The following SMYD3 variants were observed in gnomAD, a reference collection of about 807,000 sequenced individuals.
SMYD3 encodes SET and MYND domain containing 3.
In SMYD3, 36 loss-of-function variants were observed where a neutral mutation model predicts 57.7. The observed-to-expected ratio is 0.62, with a 90% CI of 0.48 to 0.82. The LOEUF (loss-of-function observed/expected upper bound fraction) is 0.82. Ranked by LOEUF, SMYD3 falls within the 40% of genes least tolerant of loss-of-function variation. SMYD3 has a pLI of 0.00. For synonymous variants in SMYD3, 211 were observed against 195.0 expected (o/e 1.08, Z -0.68); for missense variants, 515 against 538.8 (o/e 0.96, Z 0.44).
intron 5 of SMYD3, among the ~76,000 whole-genome samples, chr1:246,249,347 G>A (rs1479514079): frequency 6.6e-5 from 10 of 151,472 alleles, no homozygotes; most frequent in African/African-American, 1.2e-4. Flanking sequence ...TAAGTGATCC[G>A]CCCACCTCAG....
chr1:246,391,377 T>C (rs2066563198), intron 1 of SMYD3, among the ~76,000 whole-genome samples: 2 of 117,374 alleles, frequency 1.7e-5, no homozygotes, highest in South Asian at 6.5e-4. Context: ...GAGACCTTAT[T>C]GAGAGAGAGA....
intron 5 of SMYD3, among the ~76,000 whole-genome samples, chr1:246,081,325 T>C (rs1399210358): frequency 1.3e-5 from 2 of 152,234 alleles, no homozygotes; most frequent in East Asian, 1.9e-4. Context: ...TGTGCTTGTG[T>C]TTACAAACTG....
At chr1:246,391,887 C>T (rs542305266) in intron 1 of SMYD3, among the ~76,000 whole-genome samples, 20 of 152,262 alleles carry the variant, frequency 1.3e-4, no homozygotes, top group South Asian at 4.1e-4. Flanking sequence ...CATCTTACCC[C>T]GAACATTCAA....
chr1:246,011,048 G>A (rs1235018867), intron 5 of SMYD3, among the ~76,000 whole-genome samples: 1 of 152,164 alleles, frequency 6.6e-6, no homozygotes, highest in East Asian at 1.9e-4. Context: ...GCACCACATT[G>A]GGACTAGAAA....
At chr1:246,341,994 T>A (rs1395582095) in intron 2 of SMYD3, among the ~76,000 whole-genome samples, 1 of 152,218 alleles carries the variant, frequency 6.6e-6, no homozygotes, top group Admixed American at 6.5e-5. Flanking sequence ...AGTCTTCCAA[T>A]GATAAAATTC....
intron 5 of SMYD3, among the ~76,000 whole-genome samples, chr1:246,037,714 C>G (rs1382107023): frequency 6.6e-6 from 1 of 152,212 alleles, no homozygotes; most frequent in Non-Finnish European, 1.5e-5. Flanking sequence ...CCTGCCCTCA[C>G]CTCTGTAAGT....
chr1:246,047,210 G>A lies in SMYD3; in HGVS notation c.532-117273C>T, dbSNP rs780834841. Among the ~76,000 whole-genome samples, 10 of 152,270 alleles carry A rather than the reference G, an allele frequency of 6.6e-5. 1 individual carries two copies. Among genetic ancestry groups the A allele is most frequent in the Middle Eastern group, 3.4e-3 (1 of 294 alleles). On this transcript the variant is annotated intron_variant, in intron 5 of 11. Coordinates refer to ENST00000490107, the MANE Select transcript of SMYD3 (RefSeq NM_001167740.2). ...GAACAGTAAAGAAAAGTGTGCAAAA[G>A]AATAGTGGGAGTGGAATTGTCTTGC...
In SMYD3 at chr1:245,753,833, G is replaced by A. The variant is rs192618351; in HGVS notation, c.1186-4169C>T. On this transcript the variant is annotated intron_variant, in intron 11 of 11. Coordinates refer to ENST00000490107, the MANE Select transcript of SMYD3 (RefSeq NM_001167740.2). ...TACCACTCCCATCTGTCACCCATGC[G>A]CATGTCAGAGAGGACAATTCTGGTT... 1.1e-4 allele frequency among the ~76,000 whole-genome samples: 16 copies of A among 152,332 alleles called. No individual in the cohort carries two copies. In the East Asian group the frequency reaches 2.7e-3, roughly 26 times the overall value.
chr1:246,314,553 T>C (rs1027021577), intron 5 of SMYD3, among the ~76,000 whole-genome samples: 1 of 152,168 alleles, frequency 6.6e-6, no homozygotes, highest in Admixed American at 6.5e-5. Context: ...ACTAGGAAAC[T>C]TGTGATCAAT....
chr1:245,814,452 CAAT>C (rs1439273328), intron 10 of SMYD3: 1 of 880,458 alleles, frequency 1.1e-6, no homozygotes, highest in African/African-American at 1.8e-5. Context: ...AAAAAATAAA[CAAT>C]AAAAATAAAT....
chr1:246,429,412 C>A (rs945310113), intron 1 of SMYD3, among the ~76,000 whole-genome samples: 2 of 152,070 alleles, frequency 1.3e-5, no homozygotes, highest in East Asian at 1.9e-4. Context: ...TCTTAAGAGG[C>A]CTTCAAATGT....
intron 5 of SMYD3, among the ~76,000 whole-genome samples, chr1:246,086,988 T>C (rs558143220): frequency 3.2e-4 from 49 of 152,318 alleles, no homozygotes; most frequent in African/African-American, 1.1e-3. Flanking sequence ...TTTGGTTTTC[T>C]GTCTCTGCGT....
intron 8 of SMYD3, among the ~76,000 whole-genome samples, chr1:245,875,076 C>G (rs572575479): frequency 2.0e-5 from 3 of 152,380 alleles, no homozygotes; most frequent in Admixed American, 6.5e-5. Context: ...GAGCCGCTTC[C>G]TGGCACGCCA....
At chr1:246,290,474 C>T (rs527904861) in intron 5 of SMYD3, among the ~76,000 whole-genome samples, 1 of 152,290 alleles carries the variant, frequency 6.6e-6, no homozygotes, top group Non-Finnish European at 1.5e-5. Context: ...CAATGAAGTG[C>T]ACCTGTAAAA....
intron 10 of SMYD3, among the ~76,000 whole-genome samples, chr1:245,814,068 A>G (rs148934778): frequency 3.7e-4 from 56 of 152,100 alleles, no homozygotes; most frequent in Non-Finnish European, 4.4e-4. Flanking sequence ...AAAGAAAAAT[A>G]AACAGAAGGC....
intron 8 of SMYD3, among the ~76,000 whole-genome samples, chr1:245,895,956 G>A (rs1315737582): frequency 5.9e-5 from 9 of 152,214 alleles, no homozygotes; most frequent in African/African-American, 1.4e-4. Context: ...TATATTTACA[G>A]AAGAAACTAA....
chr1:246,139,559 T>G (rs1015524834), intron 5 of SMYD3, among the ~76,000 whole-genome samples: 20 of 152,328 alleles, frequency 1.3e-4, no homozygotes, highest in African/African-American at 4.8e-4. Flanking sequence ...CAAAACAAAC[T>G]GCATGCCATA....
chr1:245,774,561 G>A (rs1212335455), intron 10 of SMYD3, among the ~76,000 whole-genome samples: 1 of 152,170 alleles, frequency 6.6e-6, no homozygotes, highest in African/African-American at 2.4e-5. Context: ...TGTAGTCATG[G>A]TTGCACATAT....
At chr1:245,906,461 TA>T (rs1483818403) in intron 8 of SMYD3, among the ~76,000 whole-genome samples, 3 of 152,150 alleles carry the variant, frequency 2.0e-5, no homozygotes, top group Admixed American at 6.5e-5. Context: ...TCACCCCAGT[TA>T]AAATGGCTTA....
Sources: gnomAD v4.1 joint callset for allele counts (sites outside exome capture counted in the v4.1 genomes callset) on GRCh38, gnomAD v4.1.1 for gene constraint, MANE v1.5 for transcripts, NCBI Gene and HGNC (gene_info 2026-07-23, HGNC 2026-07-21) for gene names.